DST: variants seen among roughly 807,000 people sequenced by gnomAD.
The protein encoded by DST is dystonin.
Under a neutral mutation model 875.2 loss-of-function variants are expected in DST, and 253 were observed. The observed-to-expected ratio is 0.29, with a 90% confidence interval of 0.26 to 0.32. DST has a LOEUF of 0.32. Among genes scored for constraint, DST ranks in the 10% least tolerant of loss-of-function variants. The pLI is 1.00. For synonymous variants in DST, 3,124 were observed against 3,197.1 expected (o/e 0.98, Z 0.77); for missense variants, 8,287 against 9,111.6 (o/e 0.91, Z 3.68).
intron 4 of DST, among the ~76,000 whole-genome samples, chr6:56,772,050 A>G (rs927649159): frequency 2.6e-5 from 4 of 152,222 alleles, no homozygotes; most frequent in African/African-American, 7.2e-5. Context: ...AACTGAAATA[A>G]AAGTAGGGAA....
rs149007397 is a variant in DST at position 56,616,885 on chromosome 6, T to G, written c.4930-2401A>C. 727 of 1,613,858 alleles carry G rather than the reference T, an allele frequency of 4.5e-4. 3 individuals carry two copies. Among genetic ancestry groups the G allele is most frequent in the African/African-American group, 2.6e-3 (193 of 75,022 alleles). On this transcript the variant is annotated intron_variant, in intron 36 of 103. Transcript: ENST00000680361. ...CGGGGTCAACAACTCCTTTAAGAAC[T>G]GCATCTTCAACAGAATATGTCTGAC... is the stretch of plus-strand genomic sequence containing the variant.
At position 56,633,233 on chromosome 6, in the gene DST, C is replaced by CTTTTTTTTTTT. The variant is rs61647189; in HGVS notation, c.3622-207_3622-197dup. On this transcript the variant is annotated intron_variant, in intron 27 of 103. Transcript: ENST00000680361. The stretch of plus-strand genomic sequence containing the variant: ...TTTTGTTTTGAGACGGAGTTTCACT[C>CTTTTTTTTTTT]TTTTTTTTTTTGAGACGGAGTCTCG... Among the ~76,000 whole-genome samples, 86 of 138,694 alleles carry CTTTTTTTTTTT rather than the reference C, an allele frequency of 6.2e-4. 6 individuals carry two copies. The highest frequency in any genetic ancestry group is 2.5e-3 in the African/African-American group (82 of 32,900). The allele number at this position is 138,694 out of a possible 152,430, so 91.0% of individuals were successfully genotyped here.
intron 9 of DST, 130 bp from the exon 10 acceptor site, chr6:56,670,937 T>A (rs2099098008): frequency 1.9e-6 from 1 of 536,870 alleles, no homozygotes; most frequent in Non-Finnish European, 3.2e-6. Context: ...CATGAGATTG[T>A]TAAGAGATTT....
chr6:56,544,408 A>G (rs1378062711), intron 61 of DST, among the ~76,000 whole-genome samples: 1 of 152,228 alleles, frequency 6.6e-6, no homozygotes. Flanking sequence ...TTAGCACAAT[A>G]TTATTCTAGG....
At chr6:56,905,372 G>GT (rs1245802950) in intron 2 of DST, among the ~76,000 whole-genome samples, 4 of 152,122 alleles carry the variant, frequency 2.6e-5, no homozygotes, top group African/African-American at 7.2e-5. Context: ...TTCAGCTGGC[G>GT]TAACGGAAAC....
intron 2 of DST, among the ~76,000 whole-genome samples, chr6:56,921,973 G>C (rs2127741667): frequency 6.6e-6 from 1 of 152,206 alleles, no homozygotes; most frequent in South Asian, 2.1e-4. Context: ...ACACAGCACT[G>C]AATTATTATT....
chr6:56,490,460 A>G (rs1231527489), intron 85 of DST, among the ~76,000 whole-genome samples: 4 of 152,220 alleles, frequency 2.6e-5, no homozygotes, highest in South Asian at 4.1e-4. Context: ...TCTATTGTAT[A>G]CCAAAGCACA....
chr6:56,489,288 A>C (rs1358917701), intron 86 of DST, among the ~76,000 whole-genome samples: 2 of 152,220 alleles, frequency 1.3e-5, no homozygotes, highest in Non-Finnish European at 2.9e-5. Flanking sequence ...TAACCTGGGA[A>C]TCATTAGTGA....
chr6:56,842,920 CCTGGTCCATTCCCAAGA>C, intron 4 of DST: 1 of 833,436 alleles, frequency 1.2e-6, no homozygotes, highest in Non-Finnish European at 1.6e-6. Flanking sequence ...TGCAAAAAGA[CCTGGTCCATTCCCAAGA>C]CTGGTCCAGA....
At chr6:56,503,445 T>A (rs2096202835) in intron 78 of DST, among the ~76,000 whole-genome samples, 1 of 151,842 alleles carries the variant, frequency 6.6e-6, no homozygotes, top group Admixed American at 6.6e-5. Flanking sequence ...AAATTAAAAT[T>A]AAAAATATCA....
At chr6:56,701,741 CATTTTTAAAT>C (rs1337300265) in intron 8 of DST, 137 bp downstream of exon 8, 25 of 547,558 alleles carry the variant, frequency 4.6e-5, no homozygotes, top group Non-Finnish European at 7.8e-5. Context: ...TGTTTAAAAA[CATTTTTAAAT>C]ATTTGCTTCA....
intron 2 of DST, among the ~76,000 whole-genome samples, chr6:56,950,708 C>T (rs1222522669): frequency 4.6e-5 from 7 of 152,194 alleles, no homozygotes; most frequent in Admixed American, 6.5e-5. Context: ...ACATAAAACA[C>T]ATATTTCTGT....
chr6:56,606,443 A>T lies in DST; in HGVS notation c.8185T>A (p.Cys2729Ser). The T allele has an allele frequency of 6.2e-7, 1 of 1,613,388 alleles. No homozygotes were observed. Among genetic ancestry groups the T allele is most frequent in the Non-Finnish European group, 8.5e-7 (1 of 1,179,528 alleles). Residue 2729 changes from cysteine to serine, a missense_variant, in exon 40 of 104, where the codon TGC (cysteine) becomes AGC (serine). Cys to Ser is a moderately radical substitution (Grantham distance 112, BLOSUM62 -1). Coordinates refer to ENST00000680361, the MANE Select transcript of DST (RefSeq NM_001374736.1). Reference sequence around the variant, plus strand: ...TCATCACCTTCAAGGATATTTGTGCATTCCCTTTCTGATCCAGTTTCCAGT... The same window carrying T: ...TCATCACCTTCAAGGATATTTGTGCTTTCCCTTTCTGATCCAGTTTCCAGT... ...QSLETGSERE[C>S]TNILEGDESD... is the part of the protein sequence containing the mutation.
chr6:56,614,819 C>T, intron 36 of DST: 1 of 1,001,758 alleles, frequency 1.0e-6, no homozygotes, highest in East Asian at 1.1e-4. Context: ...GCATTACAAT[C>T]CTAATTGTCC....
intron 58 of DST, among the ~76,000 whole-genome samples, 154 bp downstream of exon 58, chr6:56,560,140 T>C (rs2097513226): frequency 6.6e-6 from 1 of 152,076 alleles, no homozygotes; most frequent in African/African-American, 2.4e-5. Context: ...ACAATATAAT[T>C]TGAAATGACA....
At chr6:56,914,116 T>G (rs1368752434) in intron 2 of DST, among the ~76,000 whole-genome samples, 3 of 152,176 alleles carry the variant, frequency 2.0e-5, no homozygotes, top group Non-Finnish European at 2.9e-5. Flanking sequence ...ATTCATCAAC[T>G]TCATGTTTTG....
chr6:56,843,369 G>C, intron 4 of DST: 2 of 1,172,180 alleles, frequency 1.7e-6, no homozygotes, highest in Non-Finnish European at 1.1e-6. Flanking sequence ...GCCGATGGTG[G>C]GCCGCCCGGC....
At chr6:56,845,089 G>T (rs552651646) in intron 4 of DST, among the ~76,000 whole-genome samples, 3 of 152,286 alleles carry the variant, frequency 2.0e-5, no homozygotes, top group African/African-American at 7.2e-5. Context: ...TATTTAGGAG[G>T]TGGGGTCTCA....
chr6:56,558,890 T>C (rs2097482156), intron 58 of DST, among the ~76,000 whole-genome samples: 1 of 152,128 alleles, frequency 6.6e-6, no homozygotes, highest in South Asian at 2.1e-4. Flanking sequence ...ATCCTTCCTT[T>C]ACATTCCATT....
Sources: allele counts gnomAD v4.1 joint callset (sites outside exome capture counted in the v4.1 genomes callset), GRCh38; gene constraint gnomAD v4.1.1; transcripts MANE v1.5; gene names NCBI Gene and HGNC (gene_info 2026-07-23, HGNC 2026-07-21).